Variants in D2HGDH observed in about 807,000 individuals in gnomAD.
D2HGDH encodes the protein D-2-hydroxyglutarate dehydrogenase.
Under a neutral mutation model 46.9 loss-of-function variants are expected in D2HGDH, and 31 were observed. The observed-to-expected ratio is 0.66, with a 90% CI of 0.50 to 0.89. D2HGDH has a LOEUF of 0.89. D2HGDH is among the 40% of genes least tolerant of loss of function. D2HGDH has a pLI of 0.00. For synonymous variants in D2HGDH, 364 were observed against 332.6 expected (o/e 1.09, Z -1.03); for missense variants, 698 against 720.8 (o/e 0.97, Z 0.36).
chr2:241,742,401 C>T lies in D2HGDH; in HGVS notation c.351-34C>T, dbSNP rs1694722003. 1 of 1,580,256 alleles carries T rather than the reference C, an allele frequency of 6.3e-7. No individual in the cohort carries two copies. The highest frequency in any genetic ancestry group is 8.6e-7 in the Non-Finnish European group (1 of 1,161,978). Reference sequence around the variant, plus strand: ...GGGGATGGTGGCGTAGGGGTGGGGACAGAGCCCCAACGTCCCTCCTGTCCT... The same window carrying T: ...GGGGATGGTGGCGTAGGGGTGGGGATAGAGCCCCAACGTCCCTCCTGTCCT... On this transcript the variant is annotated intron_variant, in intron 3 of 9. Transcript: ENST00000321264. This position sits in a 1 kb window ranked among gnomAD's most constrained non-coding sequence, Gnocchi z 4.8.
At chr2:241,753,796 G>T (rs1357454582) in intron 8 of D2HGDH, among the ~76,000 whole-genome samples, 1 of 152,230 alleles carries the variant, frequency 6.6e-6, no homozygotes, top group Non-Finnish European at 1.5e-5. Context: ...GATGCCTCCT[G>T]TGCCCTGTGC....
At chr2:241,746,887 C>CA (rs148116391) in intron 6 of D2HGDH, among the ~76,000 whole-genome samples, 2,163 of 68,210 alleles carry the variant, frequency 0.032, 55 homozygotes, top group East Asian at 0.21. Context: ...GACTCCATCT[C>CA]AAAAAAAAAA....
intron 8 of D2HGDH, chr2:241,754,807 G>C (rs1697900609): frequency 3.3e-6 from 1 of 303,778 alleles, no homozygotes; most frequent in African/African-American, 2.2e-5. Flanking sequence ...CTCCCTGTGT[G>C]GCTCAGGCTG....
chr2:241,734,843 G>C, intron 1 of D2HGDH, 148 bp downstream of exon 1: 1 of 197,850 alleles, frequency 5.1e-6, no homozygotes, highest in East Asian at 1.1e-4. Flanking sequence ...CTCGTCACGT[G>C]ACCGCGTGGA....
chr2:241,740,758 A>G (rs1157044523), intron 2 of D2HGDH, among the ~76,000 whole-genome samples: 2 of 152,148 alleles, frequency 1.3e-5, no homozygotes, highest in African/African-American at 4.8e-5. Flanking sequence ...CAGCCTGGCC[A>G]ATGTGGTGAA....
chr2:241,756,602 A>T (rs1051901120), intron 9 of D2HGDH, among the ~76,000 whole-genome samples: 5 of 151,906 alleles, frequency 3.3e-5, no homozygotes, highest in African/African-American at 1.2e-4. Flanking sequence ...GCTCACTGCA[A>T]CCTCCATCTT....
At position 241,768,145 on chromosome 2, in the gene D2HGDH, TC is replaced by T. The variant is rs1699305377; in HGVS notation, c.*177del. 2 of 998,476 alleles carry T rather than the reference TC, an allele frequency of 2.0e-6. No homozygotes were observed. Among genetic ancestry groups the T allele is most frequent in the African/African-American group, 3.3e-5 (2 of 60,902 alleles). The allele number at this position is 998,476 out of a possible 1,614,324, so 61.9% of individuals were successfully genotyped here. A position where few individuals can be genotyped will look rare whatever the true frequency, so the allele number is the denominator to read the frequency against. ...GGACGCAGGCCCTCGGGCAGGAGCA[TC>T]TGGCAGAGTGGGGGGCGTGGCAGGC... On this transcript the variant is annotated 3_prime_UTR_variant, in exon 10 of 10. Coordinates refer to ENST00000321264, the MANE Select transcript of D2HGDH (RefSeq NM_152783.5).
intron 7 of D2HGDH, among the ~76,000 whole-genome samples, 180 bp from the exon 8 acceptor site, chr2:241,751,066 C>G (rs1188015766): frequency 2.0e-5 from 3 of 152,216 alleles, no homozygotes; most frequent in African/African-American, 7.2e-5. Flanking sequence ...CCAAAGACGA[C>G]TTTTTAAACC....
In D2HGDH at chr2:241,743,214, G is replaced by A. The variant is rs1694986430; in HGVS notation, c.491-408G>A. On this transcript the variant is annotated intron_variant, in intron 4 of 9. Transcript: ENST00000321264. This position sits in a 1 kb window ranked among gnomAD's most constrained non-coding sequence, Gnocchi z 4.8. The stretch of plus-strand genomic sequence containing the variant: ...CAGGCCCCGGTCACTCTGTGGTCGG[G>A]CGCCTGCACTGTTGGGTGTTGAGCA... 6.6e-6 allele frequency among the ~76,000 whole-genome samples: 1 copy of A among 152,198 alleles called. No homozygotes were observed. Among genetic ancestry groups the A allele is most frequent in the Admixed American group, 6.5e-5 (1 of 15,290 alleles).
In D2HGDH at chr2:241,739,677, C is replaced by T. The variant is rs533114468; in HGVS notation, c.293-1356C>T. On this transcript the variant is annotated intron_variant, in intron 2 of 9. Coordinates refer to ENST00000321264, the MANE Select transcript of D2HGDH (RefSeq NM_152783.5). ...TTGGGGCAGCAGTGGTTAGCAACAC[C>T]GGCGAACTAGCTCAGAGGGCTCCCA... 4.6e-5 allele frequency among the ~76,000 whole-genome samples: 7 copies of T among 152,336 alleles called. No individual in the cohort carries two copies. The East Asian group carries it at 5.8e-4, about 13-fold the overall frequency.
intron 5 of D2HGDH, 68 bp from the exon 6 acceptor site, chr2:241,744,641 C>A: frequency 6.3e-7 from 1 of 1,595,764 alleles, no homozygotes; most frequent in Non-Finnish European, 8.6e-7. Flanking sequence ...TGACACCTGG[C>A]CCCGGAGGCG....
rs113061780 is a variant in D2HGDH at position 241,760,357 on chromosome 2, C to A, written c.1306+4343C>A. ...GGCCTTTGCTACAGTGTGGGTGGGC[C>A]TTACCCAATCAGTCGAAGGCCTTTG... is the stretch of plus-strand genomic sequence containing the variant. On this transcript the variant is annotated intron_variant, in intron 9 of 9. Transcript: ENST00000321264. Among the ~76,000 whole-genome samples, 27 of 117,184 alleles carry A rather than the reference C, an allele frequency of 2.3e-4. 1 individual carries two copies. Among genetic ancestry groups the A allele is most frequent in the Non-Finnish European group, 2.8e-4 (16 of 56,660 alleles). The allele number at this position is 117,184 out of a possible 152,430, so 76.9% of individuals were successfully genotyped here. A position where few individuals can be genotyped will look rare whatever the true frequency, so the allele number is the denominator to read the frequency against.
Position 241,742,815 on chromosome 2 carries a change from G to A in D2HGDH, c.490+241G>A, listed in dbSNP as rs1694841397. On this transcript the variant is annotated intron_variant, in intron 4 of 9. Transcript: ENST00000321264. The surrounding 1 kb of genome is among the most constrained non-coding windows in gnomAD (Gnocchi z 4.8). The stretch of plus-strand genomic sequence containing the variant: ...TCCGACTCCATCCCGCTCTAGAGGT[G>A]TGTGAGGTGCAGAGTGGCATGTGTG... Among the ~76,000 whole-genome samples the A allele has an allele frequency of 6.6e-6, 1 of 152,262 alleles. No homozygotes were observed. Among genetic ancestry groups the A allele is most frequent in the African/African-American group, 2.4e-5 (1 of 41,470 alleles).
intron 9 of D2HGDH, among the ~76,000 whole-genome samples, chr2:241,758,072 A>T (rs1329152278): frequency 1.3e-5 from 2 of 152,072 alleles, no homozygotes; most frequent in Non-Finnish European, 2.9e-5. Flanking sequence ...AGTTACACTG[A>T]TTGATCCCTC....
Position 241,743,737 on chromosome 2 carries a change from A to G in D2HGDH, c.606A>G (p.Gly202=), listed in dbSNP as rs1695134134. Residue 202 remains glycine, a synonymous_variant, in exon 5 of 10, where the codon GGA becomes GGG. Transcript: ENST00000321264. The surrounding 1 kb of genome is among the most constrained non-coding windows in gnomAD (Gnocchi z 4.8). ...LGAKGSCHIG[G]NVATNAGGLR... is the part of the protein sequence containing the mutation. ...CCAAGGGCAGCTGCCACATCGGGGG[A>G]AACGTGGCAACCAACGCTGGAGGCC... 1 of 1,613,332 alleles carries G rather than the reference A, an allele frequency of 6.2e-7. No individual in the cohort carries two copies. The highest frequency in any genetic ancestry group is 8.5e-7 in the Non-Finnish European group (1 of 1,179,774).
intron 2 of D2HGDH, among the ~76,000 whole-genome samples, chr2:241,739,483 C>G (rs4675886): frequency 0.71 from 107,443 of 152,228 alleles, 38,923 homozygotes; most frequent in African/African-American, 0.87. Context: ...ATGAAAGAGA[C>G]ATAAGTGGCT....
At position 241,742,720 on chromosome 2, in the gene D2HGDH, G is replaced by A. The variant is rs1694813801; in HGVS notation, c.490+146G>A. 1.9e-6 allele frequency: 2 copies of A among 1,059,598 alleles called. No individual in the cohort carries two copies. Among genetic ancestry groups the A allele is most frequent in the Non-Finnish European group, 2.8e-6 (2 of 703,908 alleles). 65.6% of individuals were successfully genotyped at this position (1,059,598 alleles called of 1,614,324 possible). A position where few individuals can be genotyped will look rare whatever the true frequency, so the allele number is the denominator to read the frequency against. ...GGAAAGAACCAGCGTCTGTAGCCTG[G>A]CCGCCTAGCCCCACCTCGCCCGGCC... On this transcript the variant is annotated intron_variant, in intron 4 of 9. Coordinates refer to ENST00000321264, the MANE Select transcript of D2HGDH (RefSeq NM_152783.5). The surrounding 1 kb of genome is among the most constrained non-coding windows in gnomAD (Gnocchi z 4.8).
At position 241,750,217 on chromosome 2, in the gene D2HGDH, T is replaced by C; in HGVS notation, c.920T>C (p.Leu307Pro). 6.2e-7 allele frequency: 1 copy of C among 1,614,140 alleles called. No individual in the cohort carries two copies. The highest frequency in any genetic ancestry group is 8.5e-7 in the Non-Finnish European group (1 of 1,180,048). Reference sequence around the variant, plus strand: ...TGCAAGGGGATGCTGGGTGAGATCCTGTCTGCATTCGAGTTCATGGATGCT... The same window carrying C: ...TGCAAGGGGATGCTGGGTGAGATCCCGTCTGCATTCGAGTTCATGGATGCT... ...STCKGMLGEILSAFEFMDAVC... is the reference protein window; with the variant it reads ...STCKGMLGEIPSAFEFMDAVC... Residue 307 changes from leucine to proline, a missense_variant, in exon 7 of 10, where the codon CTG (leucine) becomes CCG (proline). By Grantham distance (98) the Leu-to-Pro change is moderately conservative. Coordinates refer to ENST00000321264, the MANE Select transcript of D2HGDH (RefSeq NM_152783.5).
chr2:241,742,085 A>G lies in D2HGDH; in HGVS notation c.351-350A>G, dbSNP rs1694618541. On this transcript the variant is annotated intron_variant, in intron 3 of 9. Transcript: ENST00000321264. The surrounding 1 kb of genome is among the most constrained non-coding windows in gnomAD (Gnocchi z 4.8). ...GAGATGCAGGCAGAGGGTGGAAGGC[A>G]GTGGGGGCAGTGCGGTCGAGGAACC... is the stretch of plus-strand genomic sequence containing the variant. Among the ~76,000 whole-genome samples, 3 of 152,102 alleles carry G rather than the reference A, an allele frequency of 2.0e-5. No individual in the cohort carries two copies. Among genetic ancestry groups the G allele is most frequent in the Admixed American group, 2.0e-4 (3 of 15,272 alleles).
Sources: allele counts gnomAD v4.1 joint callset (sites outside exome capture counted in the v4.1 genomes callset), GRCh38; gene constraint gnomAD v4.1.1; non-coding constraint Gnocchi (gnomAD v3.1); transcripts MANE v1.5; gene names NCBI Gene and HGNC (gene_info 2026-07-23, HGNC 2026-07-21).